TRAF2: variants seen among roughly 807,000 people sequenced by gnomAD.
TRAF2 encodes the protein TNF receptor associated factor 2.
Under a neutral mutation model 55.6 loss-of-function variants are expected in TRAF2, and 6 were observed. The observed-to-expected ratio is 0.11, with a 90% CI of 0.06 to 0.21. The LOEUF (loss-of-function observed/expected upper bound fraction) is 0.21. TRAF2 is among the 10% of genes least tolerant of loss of function. The pLI is 1.00. For synonymous variants in TRAF2, 329 were observed against 276.3 expected, an observed-to-expected ratio of 1.19 and a Z score of -1.89; for missense variants, 561 against 684.5, an observed-to-expected ratio of 0.82 and a Z score of 2.01.
intron 6 of TRAF2, among the ~76,000 whole-genome samples, chr9:136,915,047 C>T (rs1335803910): frequency 6.6e-6 from 1 of 152,016 alleles, no homozygotes; most frequent in Non-Finnish European, 1.5e-5. Flanking sequence ...GGTGTGGTAG[C>T]GCATGCCTGT....
At chr9:136,907,877 G>A (rs1279236879) in intron 4 of TRAF2, among the ~76,000 whole-genome samples, 193 bp from the exon 5 acceptor site, 1 of 151,832 alleles carries the variant, frequency 6.6e-6, no homozygotes, top group Non-Finnish European at 1.5e-5. Context: ...GAGTGGAGAC[G>A]AGGACACACT....
At chr9:136,891,882 C>T (rs953623873) in intron 1 of TRAF2, among the ~76,000 whole-genome samples, 1 of 151,832 alleles carries the variant, frequency 6.6e-6, no homozygotes, top group Non-Finnish European at 1.5e-5. Flanking sequence ...CCACTGCACT[C>T]GGCTAATTTT....
intron 5 of TRAF2, among the ~76,000 whole-genome samples, chr9:136,908,504 C>T (rs960635250): frequency 2.6e-5 from 4 of 152,174 alleles, no homozygotes; most frequent in African/African-American, 9.6e-5. Flanking sequence ...GGGCGGATCA[C>T]GAGGTCCGGA....
intron 4 of TRAF2, among the ~76,000 whole-genome samples, chr9:136,901,222 C>T (rs1362095402): frequency 1.3e-5 from 2 of 151,780 alleles, no homozygotes; most frequent in Non-Finnish European, 1.5e-5. Context: ...CGAGAGAGCT[C>T]GTCGAGGCCA....
At chr9:136,903,275 G>A (rs1280042661) in intron 4 of TRAF2, among the ~76,000 whole-genome samples, 1 of 152,172 alleles carries the variant, frequency 6.6e-6, no homozygotes, top group Non-Finnish European at 1.5e-5. Flanking sequence ...TAAAACTTTA[G>A]GTAAATGTTG....
Position 136,925,782 on chromosome 9 carries a change from A to G in TRAF2, c.1387A>G (p.Met463Val). 1 of 1,614,272 alleles carries G rather than the reference A, an allele frequency of 6.2e-7. No homozygotes were observed. Among genetic ancestry groups the G allele is most frequent in the Non-Finnish European group, 8.5e-7 (1 of 1,180,052 alleles). The stretch of plus-strand genomic sequence containing the variant: ...CTCTTTTCAGAGGCCAGTCAACGAC[A>G]TGAACATCGCAAGCGGCTGCCCCCT... ...SSSFQRPVND[M>V]NIASGCPLFC... The change falls in exon 11 of 11, where the codon ATG (methionine) becomes GTG (valine). Residue 463 changes from methionine to valine, a missense_variant. Met to Val is a conservative substitution (Grantham distance 21). Around this residue, in one of 2 missense-constraint regions of TRAF2, gnomAD observed 135 missense variants for 207.7 expected, o/e 0.65. Transcript: ENST00000247668.
intron 6 of TRAF2, 168 bp downstream of exon 6, chr9:136,910,162 C>G: frequency 2.8e-6 from 2 of 716,652 alleles, no homozygotes; most frequent in Non-Finnish European, 4.7e-6. Flanking sequence ...GGCGGCCGCT[C>G]TCCTGAGTGG....
intron 7 of TRAF2, among the ~76,000 whole-genome samples, chr9:136,917,692 A>G (rs565923655): frequency 2.6e-5 from 4 of 152,230 alleles, no homozygotes; most frequent in South Asian, 4.1e-4. Context: ...ACTTGATTCT[A>G]TGTGGCCTTA....
intron 9 of TRAF2, among the ~76,000 whole-genome samples, chr9:136,921,551 C>A (rs1349377284): frequency 6.6e-6 from 1 of 151,900 alleles, no homozygotes; most frequent in Non-Finnish European, 1.5e-5. Flanking sequence ...CCTGCCTGAT[C>A]ACAGCTCCCA....
rs556543571 is a variant in TRAF2 at position 136,925,947 on chromosome 9, C to T, written c.*46C>T. ...GGGGTTGGGGGCAGCCAGGCACAGC[C>T]GGCTCACGGAGGGGCCACCACGCTG... On this transcript the variant is annotated 3_prime_UTR_variant, in exon 11 of 11. Transcript: ENST00000247668. 1.1e-4 allele frequency: 175 copies of T among 1,606,232 alleles called. No homozygotes were observed. In the Admixed American group the frequency reaches 1.2e-3, roughly 11 times the overall value.
intron 4 of TRAF2, among the ~76,000 whole-genome samples, chr9:136,907,481 G>A (rs1051929272): frequency 2.6e-5 from 4 of 152,210 alleles, no homozygotes; most frequent in Admixed American, 6.5e-5. Context: ...CGTGTGCTGT[G>A]CAGCTAGACC....
chr9:136,920,923 T>C (rs1443507323), intron 8 of TRAF2, 115 bp from the exon 9 acceptor site: 3 of 1,289,046 alleles, frequency 2.3e-6, no homozygotes, highest in East Asian at 5.0e-5. Context: ...ATGAGAAACA[T>C]GGAGCCCAGG....
chr9:136,900,534 C>CAT lies in TRAF2; in HGVS notation c.366+14_366+15insAT. On this transcript the variant is annotated intron_variant, in intron 4 of 10. Coordinates refer to ENST00000247668, the MANE Select transcript of TRAF2 (RefSeq NM_021138.4). ...AAAGAATACGAGGTAAAGATGCCTG[C>CAT]GTGTGGCATGGTGACAGAAGCTCCA... is the stretch of plus-strand genomic sequence containing the variant. The CAT allele has an allele frequency of 6.2e-7, 1 of 1,606,384 alleles. No individual in the cohort carries two copies. The highest frequency in any genetic ancestry group is 8.5e-7 in the Non-Finnish European group (1 of 1,173,168).
Position 136,926,292 on chromosome 9 carries a change from C to G in TRAF2, c.*391C>G, listed in dbSNP as rs888058007. ...GGAGCACAGTGGATGGCCTTGTGTC[C>G]CTCGGGCATGACAGGCAGAAACGAG... On this transcript the variant is annotated 3_prime_UTR_variant, in exon 11 of 11. Transcript: ENST00000247668. 1.9e-5 allele frequency: 7 copies of G among 360,782 alleles called. No individual in the cohort carries two copies. Among genetic ancestry groups the G allele is most frequent in the African/African-American group, 4.2e-5 (2 of 47,210 alleles). 22.3% of individuals were successfully genotyped at this position (360,782 alleles called of 1,614,324 possible).
At chr9:136,923,203 G>C (rs1245971617) in intron 9 of TRAF2, among the ~76,000 whole-genome samples, 3 of 152,182 alleles carry the variant, frequency 2.0e-5, no homozygotes, top group African/African-American at 7.2e-5. Flanking sequence ...CCCTGGGCCG[G>C]TCAGGGCTCC....
chr9:136,886,418 A>G, upstream of TRAF2: 2 of 993,302 alleles, frequency 2.0e-6, no homozygotes, highest in Non-Finnish European at 2.4e-6. Context: ...CAGCTTCCTG[A>G]GGGCTGGCTG....
intron 4 of TRAF2, among the ~76,000 whole-genome samples, chr9:136,906,983 T>C (rs1031859628): frequency 2.6e-5 from 4 of 152,254 alleles, no homozygotes; most frequent in African/African-American, 7.2e-5. Flanking sequence ...TCCCGTCACC[T>C]TGCTGTCCTG....
chr9:136,887,605 C>T (rs1849483227), intron 1 of TRAF2, among the ~76,000 whole-genome samples: 1 of 152,070 alleles, frequency 6.6e-6, no homozygotes, highest in Non-Finnish European at 1.5e-5. Flanking sequence ...TGAGAACGGA[C>T]CCTGCTCTGT....
At chr9:136,882,901 T>C (rs961513603), upstream of TRAF2, among the ~76,000 whole-genome samples, 5 of 152,210 alleles carry the variant, frequency 3.3e-5, no homozygotes, top group Admixed American at 2.6e-4. Context: ...GACAGAGTCT[T>C]GCTCTGTCGT....
Sources: allele counts gnomAD v4.1 joint callset (sites outside exome capture counted in the v4.1 genomes callset), GRCh38; gene constraint gnomAD v4.1.1; regional missense constraint gnomAD v4.1.1; transcripts MANE v1.5; gene names NCBI Gene and HGNC (gene_info 2026-07-23, HGNC 2026-07-21).